The following ADAMTS12 variants were observed in gnomAD, a reference collection of about 807,000 sequenced individuals.
ADAMTS12 encodes ADAM metallopeptidase with thrombospondin type 1 motif 12, also known as A disintegrin and metalloproteinase with thrombospondin motifs 12.
ADAMTS12 carries 118 observed loss-of-function variants against 167.8 expected under a neutral mutation model. That is an observed-to-expected ratio of 0.70 (90% CI 0.61 to 0.82). The LOEUF (loss-of-function observed/expected upper bound fraction) is 0.82, where lower values mean the gene tolerates loss of function less well. Among genes scored for constraint, ADAMTS12 ranks in the 40% least tolerant of loss-of-function variants. ADAMTS12 has a pLI of 0.00. For synonymous variants in ADAMTS12, 704 were observed against 716.9 expected (o/e 0.98, Z 0.29); for missense variants, 1,916 against 1,998.8 (o/e 0.96, Z 0.79).
chr5:33,657,753 AGATTCAAT>A (rs534965851), intron 7 of ADAMTS12, among the ~76,000 whole-genome samples: 7 of 152,362 alleles, frequency 4.6e-5, no homozygotes, highest in Admixed American at 1.3e-4. Context: ...GTTGTTAAGC[AGATTCAAT>A]GATGCAATGA....
At chr5:33,802,369 C>T (rs1359482527) in intron 2 of ADAMTS12, among the ~76,000 whole-genome samples, 1 of 152,200 alleles carries the variant, frequency 6.6e-6, no homozygotes. Flanking sequence ...CCAAGTACAA[C>T]ATTGGATCCT....
At chr5:33,816,665 A>G (rs749584914) in intron 2 of ADAMTS12, among the ~76,000 whole-genome samples, 2 of 152,220 alleles carry the variant, frequency 1.3e-5, no homozygotes, top group African/African-American at 4.8e-5. Context: ...AAAGTGAAGT[A>G]TAGGCTAGTG....
chr5:33,805,195 C>T (rs1324789689), intron 2 of ADAMTS12, among the ~76,000 whole-genome samples: 2 of 152,156 alleles, frequency 1.3e-5, no homozygotes, highest in East Asian at 1.9e-4. Context: ...CAAAAGGAGC[C>T]ACCCTCCAGG....
chr5:33,667,048 A>G (rs1741498617), intron 5 of ADAMTS12, among the ~76,000 whole-genome samples: 1 of 152,204 alleles, frequency 6.6e-6, no homozygotes, highest in Non-Finnish European at 1.5e-5. Flanking sequence ...CTAAGAAGAA[A>G]GTTTACTTTA....
At chr5:33,652,766 G>C (rs1331244943) in intron 7 of ADAMTS12, among the ~76,000 whole-genome samples, 1 of 151,994 alleles carries the variant, frequency 6.6e-6, no homozygotes, top group East Asian at 1.9e-4. Context: ...TTAAGTCTTC[G>C]ATCAATCTTG....
chr5:33,736,537 C>G (rs1744381875), intron 3 of ADAMTS12, among the ~76,000 whole-genome samples: 1 of 152,176 alleles, frequency 6.6e-6, no homozygotes, highest in African/African-American at 2.4e-5. Flanking sequence ...ACTTTCATCC[C>G]TGGTATTTAC....
intron 14 of ADAMTS12, among the ~76,000 whole-genome samples, chr5:33,617,349 TTTC>T (rs1739076156): frequency 6.6e-6 from 1 of 152,186 alleles, no homozygotes; most frequent in Admixed American, 6.5e-5. Flanking sequence ...AGTGCCTCAA[TTTC>T]TTCATCTTCC....
chr5:33,881,019 C>T, intron 2 of ADAMTS12, 100 bp downstream of exon 2: 1 of 1,512,012 alleles, frequency 6.6e-7, no homozygotes, highest in Non-Finnish European at 8.9e-7. Context: ...GGGTTCAACT[C>T]CCATATGTCA....
At chr5:33,795,957 T>A (rs1393064493) in intron 2 of ADAMTS12, among the ~76,000 whole-genome samples, 1 of 152,226 alleles carries the variant, frequency 6.6e-6, no homozygotes, top group Non-Finnish European at 1.5e-5. Context: ...TCTGGGCACA[T>A]GAAGAAATGC....
chr5:33,576,327 T>C lies in ADAMTS12; in HGVS notation c.3699A>G (p.Thr1233=), dbSNP rs745868701. The change falls in exon 19 of 24, where the codon ACA becomes ACG. Residue 1233 remains threonine (T), a synonymous_variant. Transcript: ENST00000504830. ...CAGTAACCATCCCCTCAACTCTGGG[T>C]GTCCCAGTTTCGGAAGTAGTGGGCC... ...SQRPTTSETG[T]PRVEGMVTEK... The C allele has an allele frequency of 1.9e-6, 3 of 1,614,166 alleles. No homozygotes were observed. Among genetic ancestry groups the C allele is most frequent in the Non-Finnish European group, 2.5e-6 (3 of 1,180,022 alleles).
chr5:33,867,901 A>G (rs1279323951), intron 2 of ADAMTS12, among the ~76,000 whole-genome samples: 3 of 152,040 alleles, frequency 2.0e-5, no homozygotes, highest in Non-Finnish European at 4.4e-5. Flanking sequence ...GCCTGATGGG[A>G]GGTGATTTGG....
chr5:33,718,541 T>C (rs1207935678), intron 3 of ADAMTS12, among the ~76,000 whole-genome samples: 4 of 152,096 alleles, frequency 2.6e-5, no homozygotes, highest in Middle Eastern at 3.2e-3. Flanking sequence ...GTGGAACAGT[T>C]TCATCCCAAA....
chr5:33,666,969 A>G (rs891612072), intron 5 of ADAMTS12, among the ~76,000 whole-genome samples: 3 of 152,164 alleles, frequency 2.0e-5, no homozygotes, highest in African/African-American at 7.2e-5. Flanking sequence ...ACTTCATCTT[A>G]TTTGATTTTG....
chr5:33,576,021 G>T (rs1413863918), intron 19 of ADAMTS12, 33 bp downstream of exon 19: 1 of 1,566,434 alleles, frequency 6.4e-7, no homozygotes, highest in Admixed American at 2.0e-5. Context: ...TTTTTTCCAT[G>T]TAAAACCAGG....
At chr5:33,842,260 TC>T (rs1193952885) in intron 2 of ADAMTS12, among the ~76,000 whole-genome samples, 2 of 152,252 alleles carry the variant, frequency 1.3e-5, no homozygotes, top group African/African-American at 4.8e-5. Flanking sequence ...AAATGTGCTT[TC>T]TTCATGCCTT....
chr5:33,794,995 G>GT (rs898729194), intron 2 of ADAMTS12, among the ~76,000 whole-genome samples: 2 of 152,112 alleles, frequency 1.3e-5, no homozygotes, highest in African/African-American at 2.4e-5. Context: ...AAGTGACCAA[G>GT]TTTTTTTAAA....
At chr5:33,684,152 C>T (rs1742237199) in intron 3 of ADAMTS12, 97 bp from the exon 4 acceptor site, 1 of 927,402 alleles carries the variant, frequency 1.1e-6, no homozygotes, top group African/African-American at 1.7e-5. Flanking sequence ...GTTTAATTTA[C>T]ATTTAATAAT....
intron 3 of ADAMTS12, among the ~76,000 whole-genome samples, chr5:33,726,768 C>A (rs565762295): frequency 2.6e-4 from 39 of 152,146 alleles, no homozygotes; most frequent in Admixed American, 1.8e-3. Flanking sequence ...TTCAAATATG[C>A]AAGTGCAGAG....
chr5:33,764,340 C>T (rs1745458160), intron 2 of ADAMTS12, among the ~76,000 whole-genome samples: 2 of 152,204 alleles, frequency 1.3e-5, no homozygotes, highest in Non-Finnish European at 2.9e-5. Flanking sequence ...ATCTTTTATA[C>T]ATAATATATC....
Sources: allele counts gnomAD v4.1 joint callset (sites outside exome capture counted in the v4.1 genomes callset), GRCh38; gene constraint gnomAD v4.1.1; transcripts MANE v1.5; gene names NCBI Gene and HGNC (gene_info 2026-07-23, HGNC 2026-07-21).